TBCD: variants seen among roughly 807,000 people sequenced by gnomAD.
TBCD encodes tubulin-specific chaperone D.
TBCD carries 105 observed loss-of-function variants against 169.3 expected under a neutral mutation model. The observed-to-expected ratio is 0.62, with a 90% CI of 0.53 to 0.73. The LOEUF is 0.73. Among genes scored for constraint, TBCD ranks in the 30% least tolerant of loss-of-function variants. TBCD has a pLI of 0.00. For missense variants in TBCD, 1,444 were observed against 1,600.1 expected (o/e 0.90, Z 1.66); for synonymous variants, 700 against 643.9 (o/e 1.09, Z -1.32).
At chr17:82,762,177 G>A (rs1421018687) in intron 2 of TBCD, among the ~76,000 whole-genome samples, 1 of 151,462 alleles carries the variant, frequency 6.6e-6, no homozygotes. Flanking sequence ...TTAGCCCAGT[G>A]TGGCGGTGTG....
At position 82,923,549 on chromosome 17, in the gene TBCD, C is replaced by T. The variant is rs2061543353; in HGVS notation, c.2179-103C>T. 1.1e-6 allele frequency: 1 copy of T among 930,862 alleles called. No homozygotes were observed. Among genetic ancestry groups the T allele is most frequent in the African/African-American group, 1.7e-5 (1 of 60,138 alleles). 57.7% of individuals were successfully genotyped at this position (930,862 alleles called of 1,614,324 possible). ...TGACCTCAGGGTGACCACGGTGTCC[C>T]TGGTCAGGTGCTTCTCCGACTTCAG... On this transcript the variant is annotated intron_variant, in intron 25 of 38. Coordinates refer to ENST00000355528, the MANE Select transcript of TBCD (RefSeq NM_005993.5). This position sits in a 1 kb window ranked among gnomAD's most constrained non-coding sequence, Gnocchi z 4.6.
At chr17:82,888,006 C>T (rs925016022) in intron 15 of TBCD, among the ~76,000 whole-genome samples, 1 of 152,172 alleles carries the variant, frequency 6.6e-6, no homozygotes, top group Admixed American at 6.5e-5. Flanking sequence ...GTTGGATTTG[C>T]GTTTGGCTTT....
intron 13 of TBCD, among the ~76,000 whole-genome samples, chr17:82,834,031 G>A (rs532184735): frequency 1.3e-5 from 2 of 151,862 alleles, no homozygotes; most frequent in East Asian, 3.9e-4. Flanking sequence ...TGCAACCTCC[G>A]CCTCCTGGGT....
At chr17:82,870,496 GC>G in intron 14 of TBCD, 116 bp downstream of exon 14, 1 of 1,359,280 alleles carries the variant, frequency 7.4e-7, no homozygotes, top group Non-Finnish European at 9.8e-7. Context: ...AAATTACTTG[GC>G]CAGAGGATCT....
At chr17:82,891,508 G>A (rs1046669619) in intron 16 of TBCD, among the ~76,000 whole-genome samples, 4 of 152,208 alleles carry the variant, frequency 2.6e-5, no homozygotes, top group African/African-American at 9.7e-5. Context: ...GCGTCTCCCA[G>A]CCCCGCACGG....
chr17:82,912,778 G>C (rs1457633663), intron 23 of TBCD, among the ~76,000 whole-genome samples: 2 of 152,262 alleles, frequency 1.3e-5, no homozygotes, highest in South Asian at 2.1e-4. Flanking sequence ...ACCTGCCCGA[G>C]GCCTGCAGCC....
intron 13 of TBCD, among the ~76,000 whole-genome samples, chr17:82,845,785 G>A (rs757722634): frequency 5.3e-5 from 8 of 152,248 alleles, no homozygotes; most frequent in African/African-American, 7.2e-5. Flanking sequence ...CTTCCTGTCC[G>A]TGAAAGGGAC....
chr17:82,771,910 C>G (rs923541728), intron 5 of TBCD, among the ~76,000 whole-genome samples: 4 of 147,950 alleles, frequency 2.7e-5, no homozygotes, highest in African/African-American at 1.0e-4. Flanking sequence ...GGCGACAGAG[C>G]AAGACTCCGT....
intron 13 of TBCD, among the ~76,000 whole-genome samples, chr17:82,818,187 G>A (rs2052097988): frequency 1.3e-5 from 2 of 152,234 alleles, no homozygotes; most frequent in Non-Finnish European, 2.9e-5. Flanking sequence ...GGAATACACT[G>A]GCCCATGACC....
At chr17:82,839,675 G>A (rs2054300186) in intron 13 of TBCD, among the ~76,000 whole-genome samples, 1 of 152,186 alleles carries the variant, frequency 6.6e-6, no homozygotes, top group Admixed American at 6.5e-5. Context: ...ATGAATTTTA[G>A]GGCAGAACAA....
At chr17:82,824,767 C>T (rs2052696227) in intron 13 of TBCD, among the ~76,000 whole-genome samples, 1 of 151,744 alleles carries the variant, frequency 6.6e-6, no homozygotes, top group Admixed American at 6.6e-5. Flanking sequence ...GTTTGACACC[C>T]CTTTTTTTAG....
At chr17:82,841,707 G>A (rs1260979092) in intron 13 of TBCD, among the ~76,000 whole-genome samples, 4 of 152,132 alleles carry the variant, frequency 2.6e-5, no homozygotes, top group Admixed American at 1.3e-4. Context: ...GTTTTATTAC[G>A]TCTTAGGATA....
At chr17:82,795,412 G>A (rs896479798) in intron 7 of TBCD, 7 of 374,208 alleles carry the variant, frequency 1.9e-5, no homozygotes, top group East Asian at 1.6e-4. Context: ...TCCTGCGTCC[G>A]CCCACAGCTG....
At chr17:82,925,086 G>A (rs1282570502) in intron 27 of TBCD, 29 bp downstream of exon 27, 2 of 1,523,416 alleles carry the variant, frequency 1.3e-6, no homozygotes, top group Admixed American at 2.0e-5. Context: ...AGTGGACGGG[G>A]CCTAGGGCGA....
At position 82,752,173 on chromosome 17, in the gene TBCD, C is replaced by G; in HGVS notation, c.-21C>G. The G allele has an allele frequency of 1.3e-6, 2 of 1,501,500 alleles. No homozygotes were observed. Among genetic ancestry groups the G allele is most frequent in the Non-Finnish European group, 1.8e-6 (2 of 1,128,444 alleles). 93.0% of individuals were successfully genotyped at this position (1,501,500 alleles called of 1,614,324 possible). On this transcript the variant is annotated 5_prime_UTR_variant, in exon 1 of 39. Coordinates refer to ENST00000355528, the MANE Select transcript of TBCD (RefSeq NM_005993.5). ...GATCTGCGAACACGTGAGGCGGGGGCGCGGTCCCCAGGCTGCCGAGATGGC... is the reference window on the plus strand; with the variant it reads ...GATCTGCGAACACGTGAGGCGGGGGGGCGGTCCCCAGGCTGCCGAGATGGC...
At chr17:82,805,455 G>A (rs762541491) in intron 9 of TBCD, among the ~76,000 whole-genome samples, 10 of 152,296 alleles carry the variant, frequency 6.6e-5, no homozygotes, top group Middle Eastern at 3.4e-3. Flanking sequence ...CCGGTGAGAC[G>A]CAGCACCTGG....
chr17:82,883,004 C>G (rs913207719), intron 14 of TBCD, among the ~76,000 whole-genome samples: 2 of 152,086 alleles, frequency 1.3e-5, no homozygotes, highest in African/African-American at 2.4e-5. Flanking sequence ...GGAGCTTGCT[C>G]TCTCTGCAGT....
chr17:82,936,738 C>T (rs1021086424), intron 34 of TBCD, among the ~76,000 whole-genome samples: 1 of 152,204 alleles, frequency 6.6e-6, no homozygotes, highest in Non-Finnish European at 1.5e-5. Flanking sequence ...CCTTCTCCTC[C>T]CTGGAGTGGC....
intron 7 of TBCD, among the ~76,000 whole-genome samples, chr17:82,785,741 C>T (rs953742367): frequency 9.7e-5 from 14 of 144,182 alleles, no homozygotes; most frequent in South Asian, 2.2e-4. Flanking sequence ...TCCATCGCAG[C>T]GGGAGGGGGG....
Sources: gnomAD v4.1 joint callset for allele counts (sites outside exome capture counted in the v4.1 genomes callset) on GRCh38, gnomAD v4.1.1 for gene constraint, Gnocchi (gnomAD v3.1) non-coding constraint, MANE v1.5 for transcripts, NCBI Gene and HGNC (gene_info 2026-07-23, HGNC 2026-07-21) for gene names.